TMEFF2: variants seen among roughly 807,000 people sequenced by gnomAD.
TMEFF2 encodes transmembrane protein with EGF like and two follistatin like domains 2.
TMEFF2 carries 28 observed loss-of-function variants against 53.8 expected under a neutral mutation model. The ratio of observed to expected loss-of-function variants is 0.52; its 90% CI spans 0.39 to 0.71. The LOEUF is 0.71. TMEFF2 is among the 30% of genes least tolerant of loss of function. TMEFF2 has a pLI of 0.00. For synonymous variants in TMEFF2, 162 were observed against 166.3 expected (o/e 0.97, Z 0.20); for missense variants, 353 against 455.2 (o/e 0.78, Z 2.04).
chr2:192,165,968 C>T lies in TMEFF2; in HGVS notation c.439+13700G>A, dbSNP rs375056486. The stretch of plus-strand genomic sequence containing the variant: ...GAAACATTATTCAGTGTAGTAGATC[C>T]CCTTTCATACATTCATTTGCCCAGT... On this transcript the variant is annotated intron_variant, in intron 4 of 9. Coordinates refer to ENST00000272771, the MANE Select transcript of TMEFF2 (RefSeq NM_016192.4). Among the ~76,000 whole-genome samples the T allele has an allele frequency of 2.4e-3, 360 of 152,080 alleles. 1 individual carries two copies. Among genetic ancestry groups the T allele is most frequent in the African/African-American group, 8.5e-3 (352 of 41,498 alleles).
intron 5 of TMEFF2, chr2:192,034,590 T>C (rs571548097): frequency 1.3e-5 from 2 of 152,348 alleles, no homozygotes; most frequent in Admixed American, 6.5e-5. Flanking sequence ...ATTCTTCTTG[T>C]CAGAACCCAA....
intron 7 of TMEFF2, among the ~76,000 whole-genome samples, chr2:191,957,926 A>G (rs1243228970): frequency 6.6e-6 from 1 of 152,358 alleles, no homozygotes; most frequent in Non-Finnish European, 1.5e-5. Context: ...AATGTATAGA[A>G]CTTTTTTGGT....
In TMEFF2 at chr2:191,956,512, A is replaced by G. The variant is rs1692102337; in HGVS notation, c.746-134T>C. The G allele has an allele frequency of 6.6e-6, 7 of 1,060,758 alleles. No homozygotes were observed. The South Asian group carries it at 1.1e-4, about 17-fold the overall frequency. The allele number at this position is 1,060,758 out of a possible 1,614,324, so 65.7% of individuals were successfully genotyped here. On this transcript the variant is annotated intron_variant, in intron 7 of 9. Coordinates refer to ENST00000272771, the MANE Select transcript of TMEFF2 (RefSeq NM_016192.4). Reference sequence around the variant, plus strand: ...AGAACTAAAGGGCTATGCTTCAGAAATAAGAGGAAGAAAGAACTGAAAGAC... The same window carrying G: ...AGAACTAAAGGGCTATGCTTCAGAAGTAAGAGGAAGAAAGAACTGAAAGAC...
chr2:191,950,955 C>T (rs1691856732), intron 9 of TMEFF2, among the ~76,000 whole-genome samples: 1 of 152,076 alleles, frequency 6.6e-6, no homozygotes, highest in Admixed American at 6.6e-5. Context: ...TATTTAGCAT[C>T]TATAAAAATC....
In TMEFF2 at chr2:191,990,416, AGT is replaced by A. The variant is rs55848067; in HGVS notation, c.745+7844_745+7845del. On this transcript the variant is annotated intron_variant, in intron 7 of 9. Transcript: ENST00000272771. The stretch of plus-strand genomic sequence containing the variant: ...AGCAGCAAATCAAAGTGCTCAGAAT[AGT>A]GTGTGTGTGTGTGTGTGTTGTTTTT... Among the ~76,000 whole-genome samples, 1,362 of 147,344 alleles carry A rather than the reference AGT, an allele frequency of 9.2e-3. 22 individuals carry two copies. Among genetic ancestry groups the A allele is most frequent in the African/African-American group, 0.033 (1,304 of 40,100 alleles).
chr2:192,108,767 T>A (rs1016404991), intron 4 of TMEFF2, among the ~76,000 whole-genome samples: 2 of 152,022 alleles, frequency 1.3e-5, no homozygotes, highest in Non-Finnish European at 2.9e-5. Context: ...AGCAGTGTTA[T>A]TCGCAAAAGC....
intron 7 of TMEFF2, among the ~76,000 whole-genome samples, chr2:191,964,000 A>C (rs900987477): frequency 2.6e-5 from 4 of 152,220 alleles, no homozygotes; most frequent in Admixed American, 1.3e-4. Flanking sequence ...TTAGTAATTT[A>C]CACAACTTGT....
chr2:192,170,455 G>C (rs1690881222), intron 4 of TMEFF2, among the ~76,000 whole-genome samples: 1 of 151,876 alleles, frequency 6.6e-6, no homozygotes, highest in African/African-American at 2.4e-5. Flanking sequence ...TATAGAAATG[G>C]GTTCCCTCTC....
chr2:192,134,996 T>C (rs1051575816), intron 4 of TMEFF2, among the ~76,000 whole-genome samples: 1 of 152,156 alleles, frequency 6.6e-6, no homozygotes, highest in Non-Finnish European at 1.5e-5. Context: ...GTCAGACCTG[T>C]CCTCAGAATG....
At chr2:192,165,608 C>T (rs1456155032) in intron 4 of TMEFF2, among the ~76,000 whole-genome samples, 2 of 151,798 alleles carry the variant, frequency 1.3e-5, no homozygotes, top group East Asian at 3.9e-4. Context: ...CTATAATTAC[C>T]CCCTTTGAAA....
chr2:192,107,791 G>C (rs1689183776), intron 4 of TMEFF2, among the ~76,000 whole-genome samples: 1 of 151,686 alleles, frequency 6.6e-6, no homozygotes, highest in Admixed American at 6.6e-5. Flanking sequence ...GAAAATTCCT[G>C]TATCCCAATA....
intron 7 of TMEFF2, among the ~76,000 whole-genome samples, chr2:191,967,140 G>A (rs912993049): frequency 6.6e-6 from 1 of 151,990 alleles, no homozygotes; most frequent in Non-Finnish European, 1.5e-5. Context: ...TAAGTTTAAT[G>A]TTTAATTCTA....
intron 4 of TMEFF2, among the ~76,000 whole-genome samples, chr2:192,172,717 C>G (rs568693530): frequency 6.6e-6 from 1 of 151,812 alleles, no homozygotes; most frequent in East Asian, 1.9e-4. Context: ...TTGAGTAGAA[C>G]AGATGATTTC....
chr2:192,030,952 A>G (rs1034757747), intron 5 of TMEFF2, among the ~76,000 whole-genome samples: 2 of 152,098 alleles, frequency 1.3e-5, no homozygotes, highest in Non-Finnish European at 2.9e-5. Context: ...TTAAATTGGG[A>G]CATACAGAGT....
chr2:192,193,783 G>T (rs1016413639), intron 1 of TMEFF2, among the ~76,000 whole-genome samples: 135 of 148,304 alleles, frequency 9.1e-4, no homozygotes, highest in African/African-American at 3.2e-3. Context: ...GAGAGAGAGA[G>T]AGAGAGAGAG....
At chr2:192,088,116 C>T (rs1490351519) in intron 4 of TMEFF2, among the ~76,000 whole-genome samples, 1 of 152,052 alleles carries the variant, frequency 6.6e-6, no homozygotes, top group Non-Finnish European at 1.5e-5. Context: ...AAAACAGTTT[C>T]TTTGTAGGGC....
chr2:192,096,124 A>C (rs940822248), intron 4 of TMEFF2, among the ~76,000 whole-genome samples: 9 of 152,196 alleles, frequency 5.9e-5, no homozygotes, highest in Non-Finnish European at 1.0e-4. Context: ...ACTATGAAAA[A>C]CAAAGCGGTT....
chr2:192,160,956 T>C (rs1477064214), intron 4 of TMEFF2, among the ~76,000 whole-genome samples: 1 of 152,120 alleles, frequency 6.6e-6, no homozygotes, highest in Non-Finnish European at 1.5e-5. Flanking sequence ...TCTAGAGTCA[T>C]CACTCTGCCA....
intron 7 of TMEFF2, among the ~76,000 whole-genome samples, chr2:191,988,792 A>T (rs1430730398): frequency 2.7e-4 from 1 of 3,764 alleles, no homozygotes; most frequent in East Asian, 0.045. Flanking sequence ...ATTAAGGCAG[A>T]GGTTTTTTTT....
Sources: gnomAD v4.1 joint callset for allele counts (sites outside exome capture counted in the v4.1 genomes callset) on GRCh38, gnomAD v4.1.1 for gene constraint, MANE v1.5 for transcripts, NCBI Gene and HGNC (gene_info 2026-07-23, HGNC 2026-07-21) for gene names.